The following FAM83B variants were observed in gnomAD, a reference collection of about 807,000 sequenced individuals.
FAM83B encodes scaffolding CK1 anchoring protein B, also known as protein FAM83B.
A neutral mutation model predicts 38.8 loss-of-function variants in FAM83B; 26 were observed. The observed-to-expected ratio is 0.67, with a 90% CI of 0.49 to 0.93. FAM83B has a LOEUF of 0.93. FAM83B is among the 40% of genes least tolerant of loss of function. The pLI is 0.00. For synonymous variants in FAM83B, 419 were observed against 423.1 expected (o/e 0.99, Z 0.12); for missense variants, 1,237 against 1,197.3 (o/e 1.03, Z -0.49).
chr6:54,926,341 A>G, intron 2 of FAM83B, 30 bp from the exon 3 acceptor site: 1 of 1,438,892 alleles, frequency 6.9e-7, no homozygotes, highest in Non-Finnish European at 9.4e-7. Context: ...TCAAGGATCT[A>G]AAATTGTTTC....
intron 4 of FAM83B, among the ~76,000 whole-genome samples, chr6:54,929,500 A>G (rs1246150799): frequency 6.6e-6 from 1 of 152,160 alleles, no homozygotes; most frequent in Non-Finnish European, 1.5e-5. Context: ...TTTTTTCATA[A>G]CATGATACTA....
intron 4 of FAM83B, among the ~76,000 whole-genome samples, chr6:54,936,431 G>C (rs550533518): frequency 8.6e-5 from 13 of 151,820 alleles, no homozygotes; most frequent in Non-Finnish European, 1.6e-4. Flanking sequence ...CTTTGGTTGG[G>C]CTCTTACTTT....
intron 1 of FAM83B, among the ~76,000 whole-genome samples, chr6:54,867,154 T>C (rs547885980): frequency 6.6e-6 from 1 of 151,666 alleles, no homozygotes; most frequent in Non-Finnish European, 1.5e-5. Flanking sequence ...GAGTTTTTAA[T>C]AGTTATTAAT....
intron 2 of FAM83B, among the ~76,000 whole-genome samples, chr6:54,920,478 C>G (rs539033099): frequency 2.0e-5 from 3 of 151,884 alleles, no homozygotes; most frequent in Non-Finnish European, 4.4e-5. Context: ...GACTAAAGAA[C>G]ATTAACCCAA....
intron 2 of FAM83B, among the ~76,000 whole-genome samples, chr6:54,894,152 A>ATG (rs1335643854): frequency 1.3e-5 from 2 of 152,220 alleles, no homozygotes; most frequent in African/African-American, 4.8e-5. Flanking sequence ...ATATTTAAGT[A>ATG]TGTCTTTTGT....
At chr6:54,915,091 T>C (rs1178229092) in intron 2 of FAM83B, among the ~76,000 whole-genome samples, 1 of 151,942 alleles carries the variant, frequency 6.6e-6, no homozygotes, top group East Asian at 1.9e-4. Context: ...CCTGTTTTTA[T>C]GCATAAAAAT....
chr6:54,907,167 G>A (rs961703435), intron 2 of FAM83B, among the ~76,000 whole-genome samples: 5 of 152,160 alleles, frequency 3.3e-5, no homozygotes, highest in South Asian at 2.1e-4. Flanking sequence ...TGCTAGAAAC[G>A]TATTCCAGCC....
Position 54,870,177 on chromosome 6 carries a change from C to T in FAM83B, c.-60-10C>T. 1 of 1,182,856 alleles carries T rather than the reference C, an allele frequency of 8.5e-7. No individual in the cohort carries two copies. Among genetic ancestry groups the T allele is most frequent in the Non-Finnish European group, 1.2e-6 (1 of 829,184 alleles). The allele number at this position is 1,182,856 out of a possible 1,614,324, so 73.3% of individuals were successfully genotyped here. A position where few individuals can be genotyped will look rare whatever the true frequency, so the allele number is the denominator to read the frequency against. ...AACTTGATCTTGATTTTCTTCTTTT[C>T]AAATACCAGATACTTCTCACCACTG... is the stretch of plus-strand genomic sequence containing the variant. On this transcript the variant is annotated splice_polypyrimidine_tract_variant and intron_variant, in intron 1 of 4. Transcript: ENST00000306858.
chr6:54,929,429 G>A (rs756577911), intron 4 of FAM83B, among the ~76,000 whole-genome samples: 5 of 152,082 alleles, frequency 3.3e-5, no homozygotes, highest in Non-Finnish European at 7.4e-5. Context: ...ATTTACCACA[G>A]TTACACATTG....
At chr6:54,876,912 T>C (rs373214001) in intron 2 of FAM83B, among the ~76,000 whole-genome samples, 13 of 152,208 alleles carry the variant, frequency 8.5e-5, no homozygotes, top group African/African-American at 3.1e-4. Flanking sequence ...TTCCTGTCTC[T>C]GGTTTAAAAT....
intron 2 of FAM83B, among the ~76,000 whole-genome samples, chr6:54,899,039 T>C (rs1468371874): frequency 6.6e-6 from 1 of 152,218 alleles, no homozygotes. Flanking sequence ...TTATGCCTGT[T>C]GCTCCAGCTA....
chr6:54,898,706 C>G (rs964405679), intron 2 of FAM83B, among the ~76,000 whole-genome samples: 1 of 152,148 alleles, frequency 6.6e-6, no homozygotes, highest in Non-Finnish European at 1.5e-5. Context: ...TCCTCTTTCC[C>G]GTACCTTTCC....
intron 2 of FAM83B, among the ~76,000 whole-genome samples, chr6:54,912,414 C>T (rs1218500569): frequency 1.3e-5 from 2 of 148,664 alleles, no homozygotes; most frequent in Non-Finnish European, 3.0e-5. Context: ...TCATAATTTC[C>T]CCAGCCAAAA....
chr6:54,895,159 C>T (rs1157996617), intron 2 of FAM83B, among the ~76,000 whole-genome samples: 1 of 151,198 alleles, frequency 6.6e-6, no homozygotes, highest in Non-Finnish European at 1.5e-5. Context: ...GATTCTGTAA[C>T]TCAGAAAGGA....
At chr6:54,849,907 C>T (rs1771232370) in intron 1 of FAM83B, among the ~76,000 whole-genome samples, 1 of 151,600 alleles carries the variant, frequency 6.6e-6, no homozygotes, top group South Asian at 2.1e-4. Flanking sequence ...TGGCAGGGGC[C>T]TATGTTGAAG....
At position 54,940,673 on chromosome 6, in the gene FAM83B, A is replaced by G. The variant is rs2127591717; in HGVS notation, c.1702A>G (p.Ile568Val). ...SCTTGSSNST[I>V]IGSQGSETPK... ...TACAACTGGCTCCTCAAATTCAACTATCATTGGTTCTCAGGGAAGTGAGAC... is the reference window on the plus strand; with the variant it reads ...TACAACTGGCTCCTCAAATTCAACTGTCATTGGTTCTCAGGGAAGTGAGAC... The change falls in exon 5 of 5, where the codon ATC (isoleucine) becomes GTC (valine). Residue 568 changes from isoleucine (I) to valine (V), a missense_variant. Ile to Val is a conservative substitution (Grantham distance 29). Coordinates refer to ENST00000306858, the MANE Select transcript of FAM83B (RefSeq NM_001010872.3). 1 of 1,614,070 alleles carries G rather than the reference A, an allele frequency of 6.2e-7. No individual in the cohort carries two copies. Among genetic ancestry groups the G allele is most frequent in the Non-Finnish European group, 8.5e-7 (1 of 1,180,024 alleles).
At chr6:54,888,756 A>G (rs1458734190) in intron 2 of FAM83B, among the ~76,000 whole-genome samples, 5 of 151,902 alleles carry the variant, frequency 3.3e-5, no homozygotes, top group Non-Finnish European at 7.4e-5. Flanking sequence ...CCTTGACATA[A>G]TAGAGCTTCT....
At chr6:54,909,347 A>G (rs1196930821) in intron 2 of FAM83B, among the ~76,000 whole-genome samples, 2 of 152,204 alleles carry the variant, frequency 1.3e-5, no homozygotes, top group African/African-American at 4.8e-5. Flanking sequence ...GGAATGCTGT[A>G]GATTCCAGAT....
intron 2 of FAM83B, among the ~76,000 whole-genome samples, chr6:54,914,212 A>G (rs1225747842): frequency 1.3e-5 from 2 of 152,192 alleles, no homozygotes; most frequent in Non-Finnish European, 2.9e-5. Context: ...TCCTGTGAAC[A>G]TCAGCAAAGT....
Sources: gnomAD v4.1 joint callset for allele counts (sites outside exome capture counted in the v4.1 genomes callset) on GRCh38, gnomAD v4.1.1 for gene constraint, MANE v1.5 for transcripts, NCBI Gene and HGNC (gene_info 2026-07-23, HGNC 2026-07-21) for gene names.